Variants in PTPRU observed in about 807,000 individuals in gnomAD.
PTPRU encodes receptor-type tyrosine-protein phosphatase U.
Under a neutral mutation model 166.3 loss-of-function variants are expected in PTPRU, and 69 were observed. The ratio of observed to expected loss-of-function variants is 0.41; its 90% CI spans 0.34 to 0.51. The LOEUF (loss-of-function observed/expected upper bound fraction) is 0.51. Ranked by LOEUF, PTPRU falls within the 20% of genes least tolerant of loss-of-function variation. The pLI is 0.09. For synonymous variants in PTPRU, 793 were observed against 814.0 expected (o/e 0.97, Z 0.44); for missense variants, 1,657 against 2,013.7 (o/e 0.82, Z 3.39).
intron 15 of PTPRU, among the ~76,000 whole-genome samples, chr1:29,296,593 C>T (rs146920412): frequency 1.8e-3 from 278 of 150,630 alleles, no homozygotes; most frequent in African/African-American, 6.6e-3. Context: ...ACTGCAACCT[C>T]GACCTCCTGG....
intron 17 of PTPRU, among the ~76,000 whole-genome samples, 188 bp downstream of exon 17, chr1:29,305,037 G>A (rs1241387904): frequency 2.0e-5 from 3 of 152,192 alleles, no homozygotes; most frequent in African/African-American, 4.8e-5. Flanking sequence ...CCTGTGAAAC[G>A]GGAAATACTA....
Position 29,323,624 on chromosome 1 carries a change from T to C in PTPRU, c.3955-7T>C. The C allele has an allele frequency of 6.2e-7, 1 of 1,613,814 alleles. No individual in the cohort carries two copies. The highest frequency in any genetic ancestry group is 8.5e-7 in the Non-Finnish European group (1 of 1,179,858). On this transcript the variant is annotated splice_polypyrimidine_tract_variant and splice_region_variant and intron_variant, in intron 27 of 29. Transcript: ENST00000373779. ...TGTCCTCCCTGGCTGGCTGCCCCTG[T>C]CCCCAGTTGCAGGAGGGGCACCTGC...
rs952657230 is a variant in PTPRU at position 29,311,101 on chromosome 1, G to A, written c.2857+321G>A. Among the ~76,000 whole-genome samples the A allele has an allele frequency of 3.3e-5, 5 of 152,166 alleles. No homozygotes were observed. The highest frequency in any genetic ancestry group is 1.2e-4 in the African/African-American group (5 of 41,442). ...CTGGGCTCAGGCCTCATGGGTGTGG[G>A]TTGGGCCTCTCGGTCTGGTGGCTGC... On this transcript the variant is annotated intron_variant, in intron 19 of 29. Coordinates refer to ENST00000373779, the MANE Select transcript of PTPRU (RefSeq NM_133178.4). The surrounding 1 kb of genome is among the most constrained non-coding windows in gnomAD (Gnocchi z 4.1).
chr1:29,295,529 C>A (rs1050789774), intron 15 of PTPRU, among the ~76,000 whole-genome samples: 1 of 152,114 alleles, frequency 6.6e-6, no homozygotes, highest in African/African-American at 2.4e-5. Flanking sequence ...TTCAATAATT[C>A]TCTCCATAAA....
intron 14 of PTPRU, 152 bp downstream of exon 14, chr1:29,285,021 G>A: frequency 9.0e-7 from 1 of 1,113,716 alleles, no homozygotes; most frequent in Non-Finnish European, 1.2e-6. Flanking sequence ...AGATGGATCT[G>A]AGCTGGGTGG....
At chr1:29,293,456 C>T (rs1686737360) in intron 15 of PTPRU, among the ~76,000 whole-genome samples, 1 of 150,262 alleles carries the variant, frequency 6.7e-6, no homozygotes, top group African/African-American at 2.5e-5. Flanking sequence ...AATTTTCCTA[C>T]CTTTTTCGGG....
chr1:29,296,287 A>G (rs1276517834), intron 15 of PTPRU, among the ~76,000 whole-genome samples: 1 of 152,216 alleles, frequency 6.6e-6, no homozygotes, highest in Non-Finnish European at 1.5e-5. Context: ...TGTTTTTATC[A>G]GGCTAACCAA....
chr1:29,253,687 C>T (rs1289728354), intron 1 of PTPRU, among the ~76,000 whole-genome samples: 1 of 151,434 alleles, frequency 6.6e-6, no homozygotes, highest in East Asian at 2.0e-4. Flanking sequence ...ACTATCTATA[C>T]CTCTCCCTCT....
chr1:29,253,388 G>C (rs965211127), intron 1 of PTPRU, among the ~76,000 whole-genome samples: 1 of 151,984 alleles, frequency 6.6e-6, no homozygotes, highest in Non-Finnish European at 1.5e-5. Flanking sequence ...CTTCCTCTAG[G>C]GTATGGGGCA....
At position 29,260,583 on chromosome 1, in the gene PTPRU, C is replaced by T. The variant is rs769172839; in HGVS notation, c.851-27C>T. 2.7e-6 allele frequency: 4 copies of T among 1,474,962 alleles called. No homozygotes were observed. The highest frequency in any genetic ancestry group is 2.9e-5 in the African/African-American group (2 of 69,304). The allele number at this position is 1,474,962 out of a possible 1,614,324, so 91.4% of individuals were successfully genotyped here. On this transcript the variant is annotated intron_variant, in intron 6 of 29. Transcript: ENST00000373779. This position sits in a 1 kb window ranked among gnomAD's most constrained non-coding sequence, Gnocchi z 8.3. ...GGGGTCTCACAGCAGCATCGGTCCG[C>T]CTCGCCTCTCCCCCATCTCCTCGCA... is the stretch of plus-strand genomic sequence containing the variant.
At chr1:29,256,591 C>T (rs1223190829) in intron 2 of PTPRU, among the ~76,000 whole-genome samples, 20 of 152,360 alleles carry the variant, frequency 1.3e-4, no homozygotes, top group East Asian at 9.6e-4. Flanking sequence ...TGGCTTGCCC[C>T]GCCTCCCCTT....
intron 1 of PTPRU, 146 bp from the exon 2 acceptor site, chr1:29,255,129 A>G: frequency 2.1e-6 from 2 of 950,884 alleles, no homozygotes; most frequent in Non-Finnish European, 3.0e-6. Context: ...ATTTCACTAG[A>G]GGGAGGGAGC....
Position 29,282,855 on chromosome 1 carries a change from G to T in PTPRU, c.2048G>T (p.Gly683Val). Residue 683 changes from glycine to valine, a missense_variant, in exon 12 of 30, where the codon GGT (glycine) becomes GTT (valine). Gly to Val is a moderately radical substitution (Grantham distance 109, BLOSUM62 -3). This residue lies in a region of PTPRU where 1,190 missense variants were observed against 1,477.4 expected (regional missense o/e 0.81). Coordinates refer to ENST00000373779, the MANE Select transcript of PTPRU (RefSeq NM_133178.4). ...SLPEAMPFTVGDNQTYRGFWN... is the reference protein window; with the variant it reads ...SLPEAMPFTVVDNQTYRGFWN... ...CCTGAGGCCATGCCCTTTACCGTGG[G>T]TGACAACCAGACCTACCGAGGCTTC... is the stretch of plus-strand genomic sequence containing the variant. The T allele has an allele frequency of 6.2e-7, 1 of 1,614,108 alleles. No homozygotes were observed. Among genetic ancestry groups the T allele is most frequent in the Non-Finnish European group, 8.5e-7 (1 of 1,179,998 alleles).
Position 29,259,884 on chromosome 1 carries a change from G to A in PTPRU, c.690G>A (p.Ala230=), listed in dbSNP as rs548077175. The A allele has an allele frequency of 1.3e-3, 2,055 of 1,531,160 alleles. 13 individuals carry two copies. In the Middle Eastern group the frequency reaches 0.016, roughly 12 times the overall value. 94.8% of individuals were successfully genotyped at this position (1,531,160 alleles called of 1,614,324 possible). Residue 230 remains alanine, a synonymous_variant, in exon 6 of 30, where the codon GCG becomes GCA. Coordinates refer to ENST00000373779, the MANE Select transcript of PTPRU (RefSeq NM_133178.4). ...CTTCCCTGCAGCGGCAGAGCGGGGC[G>A]CTGGTGCCGGCGGCGGGCGTGCGGC... The part of the protein sequence containing the change: ...ERFLLQRQSG[A]LVPAAGVRHI...
chr1:29,270,528 C>G (rs1024390659), intron 7 of PTPRU, among the ~76,000 whole-genome samples: 1 of 152,072 alleles, frequency 6.6e-6, no homozygotes, highest in Non-Finnish European at 1.5e-5. Flanking sequence ...ATGAAGGTCT[C>G]GAACCCCTGA....
chr1:29,297,238 A>G (rs1300136917), intron 15 of PTPRU, among the ~76,000 whole-genome samples: 2 of 151,784 alleles, frequency 1.3e-5, no homozygotes, highest in African/African-American at 4.8e-5. Context: ...TATTTTTTGT[A>G]GAGACGGGGT....
intron 15 of PTPRU, among the ~76,000 whole-genome samples, chr1:29,294,662 T>C (rs1258349677): frequency 6.6e-6 from 1 of 152,216 alleles, no homozygotes; most frequent in African/African-American, 2.4e-5. Flanking sequence ...TTATAAAATA[T>C]TTTTTGCTTT....
At chr1:29,289,571 C>T in intron 14 of PTPRU, 1 of 1,343,508 alleles carries the variant, frequency 7.4e-7, no homozygotes, top group African/African-American at 1.4e-5. Flanking sequence ...AGCCCCCTCC[C>T]CAGCCCGGGA....
chr1:29,261,510 G>A (rs1224919767), intron 7 of PTPRU, among the ~76,000 whole-genome samples: 1 of 152,058 alleles, frequency 6.6e-6, no homozygotes, highest in Non-Finnish European at 1.5e-5. Flanking sequence ...TTTTCTTTTT[G>A]TGACTTTAGT....
Sources: gnomAD v4.1 joint callset for allele counts (sites outside exome capture counted in the v4.1 genomes callset) on GRCh38, gnomAD v4.1.1 for gene constraint, gnomAD v4.1.1 regional missense constraint, Gnocchi (gnomAD v3.1) non-coding constraint, MANE v1.5 for transcripts, NCBI Gene and HGNC (gene_info 2026-07-23, HGNC 2026-07-21) for gene names.